Variants in MPPED2 observed in about 807,000 individuals in gnomAD.
MPPED2 encodes the protein metallophosphoesterase domain containing 2.
Under a neutral mutation model 33.0 loss-of-function variants are expected in MPPED2, and 5 were observed. The observed-to-expected ratio is 0.15, with a 90% confidence interval of 0.08 to 0.32. The LOEUF (loss-of-function observed/expected upper bound fraction) is 0.32. Among genes scored for constraint, MPPED2 ranks in the 10% least tolerant of loss-of-function variants. The probability of loss-of-function intolerance (pLI) is 1.00; values close to 1 mark genes in which losing one functional copy is unlikely to be tolerated. For synonymous variants in MPPED2, 136 were observed against 141.9 expected (o/e 0.96, Z 0.29); for missense variants, 275 against 372.1 (o/e 0.74, Z 2.15).
chr11:30,455,163 C>G (rs995403660), intron 4 of MPPED2, among the ~76,000 whole-genome samples: 5 of 152,218 alleles, frequency 3.3e-5, no homozygotes, highest in African/African-American at 9.6e-5. Flanking sequence ...TCCATGCTAG[C>G]AGTTTGAAAC....
At chr11:30,440,047 G>C (rs1361254027) in intron 4 of MPPED2, among the ~76,000 whole-genome samples, 20 of 152,140 alleles carry the variant, frequency 1.3e-4, no homozygotes, top group Admixed American at 1.2e-3. Context: ...ACTTTTACTG[G>C]GGCTGGGTAT....
chr11:30,479,164 C>A (rs1324423033), intron 4 of MPPED2, among the ~76,000 whole-genome samples: 6 of 151,736 alleles, frequency 4.0e-5, no homozygotes, highest in African/African-American at 1.2e-4. Context: ...ATCACACTGG[C>A]CAAAAGGGTG....
At chr11:30,585,990 G>GCCGCCTCCTCCCCCTCCCCCGCCCT (rs1476385436) in intron 1 of MPPED2, 52 bp downstream of exon 1, 2 of 152,386 alleles carry the variant, frequency 1.3e-5, no homozygotes, top group Admixed American at 1.3e-4. Context: ...CGGGCTCCCG[G>GCCGCCTCCTCCCCCTCCCCCGCCCT]CCGCCTCCTC....
At chr11:30,539,067 C>T (rs533976747) in intron 2 of MPPED2, among the ~76,000 whole-genome samples, 1 of 152,180 alleles carries the variant, frequency 6.6e-6, no homozygotes, top group South Asian at 2.1e-4. Context: ...TGGGCAAATT[C>T]CAGTGGAGAT....
At chr11:30,512,677 G>A (rs1469458013) in intron 3 of MPPED2, among the ~76,000 whole-genome samples, 3 of 152,102 alleles carry the variant, frequency 2.0e-5, no homozygotes, top group South Asian at 2.1e-4. Flanking sequence ...TCCCAAACCC[G>A]TTTGATCTTC....
At chr11:30,404,875 G>A (rs1947966326) in intron 6 of MPPED2, among the ~76,000 whole-genome samples, 1 of 152,110 alleles carries the variant, frequency 6.6e-6, no homozygotes, top group African/African-American at 2.4e-5. Context: ...ATACCTAGCT[G>A]TTATTTGCCA....
chr11:30,541,581 A>C (rs80040399), intron 2 of MPPED2, among the ~76,000 whole-genome samples: 1 of 152,160 alleles, frequency 6.6e-6, no homozygotes, highest in Non-Finnish European at 1.5e-5. Flanking sequence ...GGCTGTGCTT[A>C]TGGATTCCAC....
chr11:30,417,918 C>T (rs1300137411), intron 4 of MPPED2, among the ~76,000 whole-genome samples: 1 of 152,130 alleles, frequency 6.6e-6, no homozygotes, highest in South Asian at 2.1e-4. Flanking sequence ...CTTTGTCTTC[C>T]CCTAAATCTC....
At chr11:30,490,264 C>G (rs1336516) in intron 4 of MPPED2, among the ~76,000 whole-genome samples, 2 of 151,946 alleles carry the variant, frequency 1.3e-5, no homozygotes, top group African/African-American at 4.8e-5. Flanking sequence ...TCCCATGGTA[C>G]GAAGTATGTA....
chr11:30,475,021 T>A (rs1470411378), intron 4 of MPPED2, among the ~76,000 whole-genome samples: 1 of 152,198 alleles, frequency 6.6e-6, no homozygotes, highest in African/African-American at 2.4e-5. Context: ...GAATGTAAGT[T>A]ATGGTGAGCA....
intron 6 of MPPED2, among the ~76,000 whole-genome samples, chr11:30,402,741 A>G (rs1217504779): frequency 6.6e-6 from 1 of 152,098 alleles, no homozygotes; most frequent in Non-Finnish European, 1.5e-5. Flanking sequence ...AACACATTTT[A>G]TTGTTATTCC....
chr11:30,545,925 C>A (rs775771000), intron 2 of MPPED2, among the ~76,000 whole-genome samples: 5 of 152,134 alleles, frequency 3.3e-5, no homozygotes, highest in African/African-American at 4.8e-5. Flanking sequence ...TGCAGTGGCA[C>A]GGTCTCGGCT....
In MPPED2 at chr11:30,545,873, A is replaced by AT. The variant is rs201989920; in HGVS notation, c.129-9699dup. ...AGGCATGACTGATATACATATATAT[A>AT]TTTTTTTTAGACAGAGTCTCGCTCT... On this transcript the variant is annotated intron_variant, in intron 2 of 6. Transcript: ENST00000358117. Among the ~76,000 whole-genome samples the AT allele has an allele frequency of 6.2e-3, 937 of 151,728 alleles. 20 individuals carry two copies. The East Asian group carries it at 0.082, about 13-fold the overall frequency.
At chr11:30,525,168 A>G (rs1323790394) in intron 3 of MPPED2, among the ~76,000 whole-genome samples, 2 of 152,186 alleles carry the variant, frequency 1.3e-5, no homozygotes, top group African/African-American at 2.4e-5. Flanking sequence ...AATAATGACA[A>G]TCAGAGACTG....
intron 3 of MPPED2, among the ~76,000 whole-genome samples, chr11:30,508,089 T>C (rs1299600754): frequency 1.3e-5 from 2 of 152,172 alleles, no homozygotes; most frequent in African/African-American, 4.8e-5. Context: ...CTAATTAGTA[T>C]AATTAAGGCA....
chr11:30,476,901 G>C (rs1273525836), intron 4 of MPPED2, among the ~76,000 whole-genome samples: 2 of 151,814 alleles, frequency 1.3e-5, no homozygotes, highest in Non-Finnish European at 2.9e-5. Flanking sequence ...AATTTTTTCA[G>C]CAATGTTGTT....
At chr11:30,510,822 A>G (rs1258743481) in intron 3 of MPPED2, among the ~76,000 whole-genome samples, 1 of 152,242 alleles carries the variant, frequency 6.6e-6, no homozygotes, top group East Asian at 1.9e-4. Context: ...TAATTCTCCA[A>G]AACTGAGAAC....
At chr11:30,459,824 G>A (rs746562404) in intron 4 of MPPED2, among the ~76,000 whole-genome samples, 1 of 152,178 alleles carries the variant, frequency 6.6e-6, no homozygotes. Flanking sequence ...CTGAACATGT[G>A]TATTGTAGTT....
chr11:30,475,139 C>A (rs537538678), intron 4 of MPPED2, among the ~76,000 whole-genome samples: 17 of 152,214 alleles, frequency 1.1e-4, no homozygotes, highest in Non-Finnish European at 2.2e-4. Flanking sequence ...TTTTTTCTCT[C>A]CCACTACAGA....
Sources: allele counts gnomAD v4.1 joint callset (sites outside exome capture counted in the v4.1 genomes callset), GRCh38; gene constraint gnomAD v4.1.1; transcripts MANE v1.5; gene names NCBI Gene and HGNC (gene_info 2026-07-23, HGNC 2026-07-21).